Variants in RBFOX1 observed in about 807,000 individuals in gnomAD.
RBFOX1 encodes the protein RNA binding fox-1 homolog 1.
Under a neutral mutation model 57.7 loss-of-function variants are expected in RBFOX1, and 8 were observed. The observed-to-expected ratio is 0.14, with a 90% CI of 0.08 to 0.25. RBFOX1 has a LOEUF of 0.25. RBFOX1 is among the 10% of genes least tolerant of loss of function. The pLI, the probability that RBFOX1 is intolerant of heterozygous loss-of-function variation, is 1.00. For synonymous variants in RBFOX1, 326 were observed against 222.4 expected, an observed-to-expected ratio of 1.47 and a Z score of -4.15; for missense variants, 611 against 548.5, an observed-to-expected ratio of 1.11 and a Z score of -1.14.
chr16:6,374,427 G>A (rs932799915), intron 2 of RBFOX1, among the ~76,000 whole-genome samples: 5 of 152,096 alleles, frequency 3.3e-5, no homozygotes, highest in Non-Finnish European at 7.4e-5. Context: ...AAAGTAAGTA[G>A]CAAATTCTTC....
intron 4 of RBFOX1, among the ~76,000 whole-genome samples, chr16:7,084,426 A>T (rs978314498): frequency 1.3e-5 from 2 of 152,222 alleles, no homozygotes; most frequent in Admixed American, 6.5e-5. Flanking sequence ...AGGAAAAAAG[A>T]AAATGTGAAT....
At chr16:5,599,550 G>A in exon 3 of RBFOX1, 1 of 329,308 alleles carries the variant, frequency 3.0e-6, no homozygotes, top group Non-Finnish European at 5.5e-6. Flanking sequence ...TGCAATCATG[G>A]TGTGGTGCAT....
At chr16:6,210,350 A>AC (rs796284222) in intron 1 of RBFOX1, among the ~76,000 whole-genome samples, 11,596 of 62,964 alleles carry the variant, frequency 0.18, 2,176 homozygotes, top group African/African-American at 0.41. Context: ...AAAAACAAAA[A>AC]AAAAAAACAC....
At chr16:5,491,029 C>T (rs543353682) in intron 2 of RBFOX1, among the ~76,000 whole-genome samples, 5 of 152,174 alleles carry the variant, frequency 3.3e-5, no homozygotes, top group African/African-American at 1.2e-4. Flanking sequence ...GTCATCTCCC[C>T]GATTTGATCT....
chr16:6,318,375 G>C (rs546676286), intron 2 of RBFOX1, among the ~76,000 whole-genome samples: 1 of 152,172 alleles, frequency 6.6e-6, no homozygotes, highest in African/African-American at 2.4e-5. Flanking sequence ...GGTGGGGGCT[G>C]TTTGGCATGA....
At chr16:6,538,833 A>G (rs1410015767) in intron 2 of RBFOX1, among the ~76,000 whole-genome samples, 3 of 152,096 alleles carry the variant, frequency 2.0e-5, no homozygotes, top group East Asian at 1.9e-4. Context: ...GTATCCATTC[A>G]GTAGCCAATG....
chr16:6,038,234 T>G (rs1037662697), intron 1 of RBFOX1: 6 of 150,022 alleles, frequency 4.0e-5, no homozygotes, highest in African/African-American at 1.5e-4. Flanking sequence ...CAGGCTGGAG[T>G]GCAGTGGTGC....
intron 3 of RBFOX1, among the ~76,000 whole-genome samples, chr16:5,861,528 A>T (rs1159108908): frequency 6.6e-6 from 1 of 151,978 alleles, no homozygotes; most frequent in African/African-American, 2.4e-5. Context: ...CCCACCTGGG[A>T]CTCCTACATG....
At chr16:7,296,774 C>T (rs2095901197) in intron 4 of RBFOX1, among the ~76,000 whole-genome samples, 3 of 152,126 alleles carry the variant, frequency 2.0e-5, no homozygotes, top group African/African-American at 7.2e-5. Context: ...AGACTGAAAT[C>T]CACAATAGCT....
At chr16:5,427,416 C>G (rs1396394861) in intron 1 of RBFOX1, among the ~76,000 whole-genome samples, 1 of 152,078 alleles carries the variant, frequency 6.6e-6, no homozygotes, top group East Asian at 1.9e-4. Context: ...GAAATCCTGT[C>G]TCTACTAAAA....
At chr16:6,502,184 T>G (rs1172483428) in intron 2 of RBFOX1, among the ~76,000 whole-genome samples, 16 of 152,210 alleles carry the variant, frequency 1.1e-4, no homozygotes, top group Admixed American at 3.9e-4. Context: ...AGAAATTTTG[T>G]GCTTCTGTTA....
At chr16:6,181,578 G>A (rs541901151) in intron 1 of RBFOX1, among the ~76,000 whole-genome samples, 2 of 152,112 alleles carry the variant, frequency 1.3e-5, no homozygotes, top group African/African-American at 4.8e-5. Flanking sequence ...AGGGCACAAC[G>A]CATTGGGAAA....
At chr16:5,879,654 T>A (rs778491232) in intron 4 of RBFOX1, among the ~76,000 whole-genome samples, 12 of 152,184 alleles carry the variant, frequency 7.9e-5, no homozygotes, top group Non-Finnish European at 1.6e-4. Flanking sequence ...GTTCATACAT[T>A]AGTCAGGAGA....
Position 5,955,308 on chromosome 16 carries a change from A to G in RBFOX1, c.351+87973A>G, listed in dbSNP as rs180886035. 2.3e-3 allele frequency among the ~76,000 whole-genome samples: 55 copies of G among 24,330 alleles called. No homozygotes were observed. The East Asian group carries it at 0.042, about 19-fold the overall frequency. The allele number at this position is 24,330 out of a possible 152,430, so 16.0% of individuals were successfully genotyped here. The stretch of plus-strand genomic sequence containing the variant: ...CAATAAAATAAAATAAAATAAAATA[A>G]AATAAAATAAAATAAAATAAAATAA... On this transcript the variant is annotated intron_variant, in intron 4 of 19. Transcript: ENST00000641259.
chr16:7,361,421 C>T (rs768586614), intron 4 of RBFOX1, among the ~76,000 whole-genome samples: 23 of 152,308 alleles, frequency 1.5e-4, no homozygotes, highest in Middle Eastern at 6.8e-3. Context: ...TGCGGCACTT[C>T]CCTAAAGCTT....
intron 2 of RBFOX1, among the ~76,000 whole-genome samples, chr16:6,616,408 G>A (rs144109678): frequency 0.012 from 1,870 of 151,070 alleles, 38 homozygotes; most frequent in African/African-American, 0.043. Context: ...CAGGCGTGAT[G>A]GCTCACGCCT....
At chr16:5,690,122 C>T (rs770757500) in intron 3 of RBFOX1, among the ~76,000 whole-genome samples, 5 of 152,198 alleles carry the variant, frequency 3.3e-5, no homozygotes, top group African/African-American at 4.8e-5. Context: ...CTGGTTAAGA[C>T]GCCCCGGTTG....
At chr16:7,484,330 T>A (rs1043110651) in intron 4 of RBFOX1, among the ~76,000 whole-genome samples, 2 of 152,174 alleles carry the variant, frequency 1.3e-5, no homozygotes, top group Non-Finnish European at 2.9e-5. Context: ...TGTCTTCATT[T>A]TGGGGAGATA....
chr16:6,572,953 G>C (rs1353864276), intron 2 of RBFOX1, among the ~76,000 whole-genome samples: 1 of 152,100 alleles, frequency 6.6e-6, no homozygotes, highest in Non-Finnish European at 1.5e-5. Context: ...ACTTAGCAGT[G>C]AACAAAATAA....
Sources: gnomAD v4.1 joint callset for allele counts (sites outside exome capture counted in the v4.1 genomes callset) on GRCh38, gnomAD v4.1.1 for gene constraint, MANE v1.5 for transcripts, NCBI Gene and HGNC (gene_info 2026-07-23, HGNC 2026-07-21) for gene names.